BCAS3: variants seen among roughly 807,000 people sequenced by gnomAD.
BCAS3 encodes BCAS3 microtubule associated cell migration factor.
Under a neutral mutation model 116.1 loss-of-function variants are expected in BCAS3, and 53 were observed. The ratio of observed to expected loss-of-function variants is 0.46; its 90% CI spans 0.37 to 0.57. BCAS3 has a LOEUF of 0.57. Among genes scored for constraint, BCAS3 ranks in the 20% least tolerant of loss-of-function variants. The pLI, the probability that BCAS3 is intolerant of heterozygous loss-of-function variation, is 0.00. For synonymous variants in BCAS3, 391 were observed against 408.2 expected (o/e 0.96, Z 0.51); for missense variants, 917 against 1,165.4 (o/e 0.79, Z 3.10).
intron 14 of BCAS3, among the ~76,000 whole-genome samples, chr17:60,980,202 A>G (rs1204040872): frequency 1.3e-5 from 2 of 152,120 alleles, no homozygotes; most frequent in Non-Finnish European, 2.9e-5. Context: ...CAGAGATTAA[A>G]CTTCTGGGCG....
At chr17:61,047,344 C>T (rs1274512793) in intron 19 of BCAS3, among the ~76,000 whole-genome samples, 1 of 151,904 alleles carries the variant, frequency 6.6e-6, no homozygotes, top group Non-Finnish European at 1.5e-5. Flanking sequence ...ATGAAATTGG[C>T]ATTTTTAATA....
Position 61,282,598 on chromosome 17 carries a change from C to A in BCAS3, c.2426-85729C>A, listed in dbSNP as rs1446392477. ...GAGGCTCCAAGGACAAGTTGAATGC[C>A]CAAGTTATAGAAAGTTATGTTTGTA... On this transcript the variant is annotated intron_variant, in intron 22 of 23. Transcript: ENST00000407086. The surrounding 1 kb of genome is among the most constrained non-coding windows in gnomAD (Gnocchi z 5.9). Among the ~76,000 whole-genome samples the A allele has an allele frequency of 4.6e-5, 7 of 152,152 alleles. No individual in the cohort carries two copies. Among genetic ancestry groups the A allele is most frequent in the African/African-American group, 1.7e-4 (7 of 41,430 alleles).
At chr17:60,814,294 T>TGCGCGCGC (rs1227778280) in intron 7 of BCAS3, among the ~76,000 whole-genome samples, 21 of 122,134 alleles carry the variant, frequency 1.7e-4, no homozygotes, top group African/African-American at 9.3e-4. Flanking sequence ...TGTGTGTGTG[T>TGCGCGCGC]GTGTGTGTGT....
chr17:61,062,203 A>G (rs1038065561), intron 19 of BCAS3, among the ~76,000 whole-genome samples: 1 of 152,142 alleles, frequency 6.6e-6, no homozygotes, highest in Non-Finnish European at 1.5e-5. Flanking sequence ...TATAAACATG[A>G]TATACACGGT....
intron 5 of BCAS3, among the ~76,000 whole-genome samples, chr17:60,733,451 A>G (rs1332547088): frequency 6.6e-6 from 1 of 152,224 alleles, no homozygotes; most frequent in African/African-American, 2.4e-5. Flanking sequence ...GACTCTTGAC[A>G]TGAAAGATAT....
chr17:61,160,416 A>G (rs1187495953), intron 22 of BCAS3, among the ~76,000 whole-genome samples: 3 of 152,078 alleles, frequency 2.0e-5, no homozygotes, highest in Non-Finnish European at 2.9e-5. Context: ...CACTGATCTA[A>G]TAGAACTTGC....
At chr17:61,310,999 T>C (rs1254913526) in intron 22 of BCAS3, among the ~76,000 whole-genome samples, 1 of 152,204 alleles carries the variant, frequency 6.6e-6, no homozygotes. Flanking sequence ...GCAAGTTACT[T>C]ACCTCTCTGT....
In BCAS3 at chr17:61,034,314, T is replaced by C. The variant is rs913969760; in HGVS notation, c.1638-352T>C. ...TATAGAAATGAAGTGATAAACCATTTTATTATTGTGAGATGTTCATGCTGG... is the reference window on the plus strand; with the variant it reads ...TATAGAAATGAAGTGATAAACCATTCTATTATTGTGAGATGTTCATGCTGG... On this transcript the variant is annotated intron_variant, in intron 16 of 23. Coordinates refer to ENST00000407086, the MANE Select transcript of BCAS3 (RefSeq NM_017679.5). This position sits in a 1 kb window ranked among gnomAD's most constrained non-coding sequence, Gnocchi z 5.0. 2.0e-5 allele frequency among the ~76,000 whole-genome samples: 3 copies of C among 152,228 alleles called. No individual in the cohort carries two copies. The highest frequency in any genetic ancestry group is 2.0e-4 in the Admixed American group (3 of 15,280).
chr17:61,269,402 A>G (rs1602309437), intron 22 of BCAS3, among the ~76,000 whole-genome samples: 1 of 152,248 alleles, frequency 6.6e-6, no homozygotes, highest in Non-Finnish European at 1.5e-5. Context: ...GGCATGAGCC[A>G]CCGCGCCCGG....
chr17:61,291,111 A>G (rs2052366066), intron 22 of BCAS3, among the ~76,000 whole-genome samples: 1 of 152,044 alleles, frequency 6.6e-6, no homozygotes, highest in Non-Finnish European at 1.5e-5. Flanking sequence ...GCACTGGCGA[A>G]CCAAGTCCAT....
chr17:61,112,883 C>G (rs2075184617), intron 22 of BCAS3, among the ~76,000 whole-genome samples: 2 of 151,344 alleles, frequency 1.3e-5, no homozygotes, highest in South Asian at 4.2e-4. Context: ...TTATAGCAAA[C>G]TATCTCTCAG....
Position 60,918,772 on chromosome 17 carries a change from A to G in BCAS3, c.994-5635A>G, listed in dbSNP as rs999290410. The stretch of plus-strand genomic sequence containing the variant: ...CAGTGGCGCGATCTTGGCTCACTGC[A>G]AGCTCCGCATCCCGGGTTTACGGTA... On this transcript the variant is annotated intron_variant, in intron 12 of 23. Transcript: ENST00000407086. Among the ~76,000 whole-genome samples, 16 of 149,686 alleles carry G rather than the reference A, an allele frequency of 1.1e-4. 1 individual carries two copies. The highest frequency in any genetic ancestry group is 3.9e-4 in the African/African-American group (16 of 40,518).
chr17:60,842,715 C>T lies in BCAS3; in HGVS notation c.477-25861C>T, dbSNP rs115877791. Among the ~76,000 whole-genome samples, 307 of 152,124 alleles carry T rather than the reference C, an allele frequency of 2.0e-3. 2 individuals are homozygous for T. Among genetic ancestry groups the T allele is most frequent in the African/African-American group, 6.9e-3 (287 of 41,504 alleles). ...GCTATCTTTTCTTTCTCTACTCTAA[C>T]GTTAAGTTTCTAAGCTCTTTCTTCT... On this transcript the variant is annotated intron_variant, in intron 7 of 23. Coordinates refer to ENST00000407086, the MANE Select transcript of BCAS3 (RefSeq NM_017679.5).
chr17:61,020,528 G>A lies in BCAS3; in HGVS notation c.1637+4627G>A, dbSNP rs962623827. Among the ~76,000 whole-genome samples the A allele has an allele frequency of 2.6e-5, 4 of 152,136 alleles. No homozygotes were observed. The highest frequency in any genetic ancestry group is 6.5e-5 in the Admixed American group (1 of 15,288). ...TTCAAACAGACTCTGTTTTCTTTCA[G>A]TTTAAGACTGGAGGTTTAAAAAGTC... On this transcript the variant is annotated intron_variant, in intron 16 of 23. Coordinates refer to ENST00000407086, the MANE Select transcript of BCAS3 (RefSeq NM_017679.5). This position sits in a 1 kb window ranked among gnomAD's most constrained non-coding sequence, Gnocchi z 4.5.
chr17:60,732,398 C>T (rs1041470116), intron 5 of BCAS3, among the ~76,000 whole-genome samples: 5 of 152,106 alleles, frequency 3.3e-5, no homozygotes, highest in African/African-American at 4.8e-5. Flanking sequence ...ATAGATAAAA[C>T]TTAGGGAGGG....
chr17:61,237,260 G>A (rs2083133389), intron 22 of BCAS3, among the ~76,000 whole-genome samples: 1 of 152,174 alleles, frequency 6.6e-6, no homozygotes, highest in South Asian at 2.1e-4. Flanking sequence ...ATTGTAAAAT[G>A]CACCAATCAG....
chr17:60,914,458 A>G (rs1390522252), intron 12 of BCAS3, among the ~76,000 whole-genome samples: 1 of 152,232 alleles, frequency 6.6e-6, no homozygotes, highest in East Asian at 1.9e-4. Flanking sequence ...ATTGGAAGGA[A>G]ACATACAGGG....
In BCAS3 at chr17:61,083,649, GCAGTGGC is replaced by G. The variant is rs2072836033; in HGVS notation, c.2328-817_2328-811del. Among the ~76,000 whole-genome samples, 1 of 148,632 alleles carries G rather than the reference GCAGTGGC, an allele frequency of 6.7e-6. No homozygotes were observed. The highest frequency in any genetic ancestry group is 2.5e-5 in the African/African-American group (1 of 40,052). ...CTTGCTCTGTCACCCAGGCTGGAGT[GCAGTGGC>G]ACGATCTTGGCTCATTGCAACCTCT... On this transcript the variant is annotated intron_variant, in intron 21 of 23. Transcript: ENST00000407086. The surrounding 1 kb of genome is among the most constrained non-coding windows in gnomAD (Gnocchi z 4.9).
Position 61,078,485 on chromosome 17 carries a change from T to A in BCAS3, c.2283T>A (p.Pro761=). The A allele has an allele frequency of 6.2e-7, 1 of 1,614,156 alleles. No homozygotes were observed. The highest frequency in any genetic ancestry group is 8.5e-7 in the Non-Finnish European group (1 of 1,180,016). ...ATGGTCCGAGTGACACGCCACAGCC[T>A]CTTTTGGATTTTGATACAGATGATC... ...QSHGPSDTPQ[P]LLDFDTDDLD... is the part of the protein sequence containing the mutation. Residue 761 remains proline (P), a synonymous_variant, in exon 21 of 24, where the codon CCT becomes CCA. Transcript: ENST00000407086.
Sources: gnomAD v4.1 joint callset for allele counts (sites outside exome capture counted in the v4.1 genomes callset) on GRCh38, gnomAD v4.1.1 for gene constraint, Gnocchi (gnomAD v3.1) non-coding constraint, MANE v1.5 for transcripts, NCBI Gene and HGNC (gene_info 2026-07-23, HGNC 2026-07-21) for gene names.